Variants in ELAPOR2 observed in about 807,000 individuals in gnomAD.
The protein encoded by ELAPOR2 is endosome-lysosome associated apoptosis and autophagy regulator family member 2, also known as endosome/lysosome-associated apoptosis and autophagy regulator family member 2.
In ELAPOR2, 89 loss-of-function variants were observed where a neutral mutation model predicts 120.7. The ratio of observed to expected loss-of-function variants is 0.74; its 90% CI spans 0.62 to 0.88. ELAPOR2 has a LOEUF of 0.88. Ranked by LOEUF, ELAPOR2 falls within the 40% of genes least tolerant of loss-of-function variation. The pLI is 0.00. For missense variants in ELAPOR2, 1,134 were observed against 1,251.6 expected (o/e 0.91, Z 1.42); for synonymous variants, 444 against 444.9 (o/e 1.00, Z 0.03).
chr7:86,985,595 G>A (rs1792698362), intron 1 of ELAPOR2, among the ~76,000 whole-genome samples: 1 of 152,066 alleles, frequency 6.6e-6, no homozygotes, highest in Admixed American at 6.5e-5. Flanking sequence ...AAAACCAAAT[G>A]ATTATCTCAA....
At chr7:86,981,880 G>C (rs188665804) in intron 1 of ELAPOR2, among the ~76,000 whole-genome samples, 1 of 152,206 alleles carries the variant, frequency 6.6e-6, no homozygotes, top group Admixed American at 6.5e-5. Flanking sequence ...GAAGCACAAG[G>C]GGTCAGGGGA....
chr7:86,936,516 G>A (rs1438364977), intron 8 of ELAPOR2, among the ~76,000 whole-genome samples: 1 of 152,008 alleles, frequency 6.6e-6, no homozygotes, highest in Non-Finnish European at 1.5e-5. Flanking sequence ...TCTGAAGCTA[G>A]AAACATTTAT....
intron 6 of ELAPOR2, 73 bp downstream of exon 6, chr7:86,939,936 CA>C (rs1554392871): frequency 1.0e-6 from 1 of 976,000 alleles, no homozygotes; most frequent in Non-Finnish European, 1.5e-6. Context: ...CCAGCCAAAC[CA>C]AAACTTTAAT....
At chr7:86,932,046 C>A (rs1790352017) in intron 8 of ELAPOR2, among the ~76,000 whole-genome samples, 1 of 151,804 alleles carries the variant, frequency 6.6e-6, no homozygotes, top group Non-Finnish European at 1.5e-5. Flanking sequence ...ATCAAAGTAT[C>A]CAACACTCCT....
chr7:86,942,183 C>T, intron 4 of ELAPOR2, 79 bp from the exon 5 acceptor site: 1 of 774,284 alleles, frequency 1.3e-6, no homozygotes, highest in Non-Finnish European at 2.2e-6. Context: ...GCACAGACTG[C>T]AAGAACCTCG....
intron 2 of ELAPOR2, among the ~76,000 whole-genome samples, chr7:86,955,752 A>C (rs894014759): frequency 1.3e-5 from 2 of 152,062 alleles, no homozygotes; most frequent in African/African-American, 4.8e-5. Context: ...TTCAGATTCC[A>C]AGTTTCTTCT....
intron 1 of ELAPOR2, among the ~76,000 whole-genome samples, chr7:87,029,079 A>G (rs1278014249): frequency 1.3e-5 from 2 of 152,074 alleles, no homozygotes; most frequent in Non-Finnish European, 2.9e-5. Flanking sequence ...CTATACCCTC[A>G]GCTCCCTTAT....
chr7:86,902,512 G>T (rs569698690), intron 18 of ELAPOR2, among the ~76,000 whole-genome samples: 2 of 152,116 alleles, frequency 1.3e-5, no homozygotes, highest in Non-Finnish European at 2.9e-5. Context: ...TCTCATTTAT[G>T]TGGGGAGAGC....
rs559438033 is a variant in ELAPOR2, at chr7:86,879,616, T to C, written c.*855A>G. 3.3e-5 allele frequency: 5 copies of C among 152,302 alleles called. No homozygotes were observed. The South Asian group carries it at 1.0e-3, about 32-fold the overall frequency. 9.4% of individuals were successfully genotyped at this position (152,302 alleles called of 1,614,324 possible). On this transcript the variant is annotated 3_prime_UTR_variant, in exon 22 of 22. Transcript: ENST00000450689. ...CTTATAGACAAACCTTCTCACTCTCTTCTTCATGATTTTGCCAGTGATTTG... is the reference window on the plus strand; with the variant it reads ...CTTATAGACAAACCTTCTCACTCTCCTCTTCATGATTTTGCCAGTGATTTG...
At chr7:86,968,100 G>A (rs1791980343) in intron 1 of ELAPOR2, among the ~76,000 whole-genome samples, 1 of 152,144 alleles carries the variant, frequency 6.6e-6, no homozygotes, top group Non-Finnish European at 1.5e-5. Context: ...GTGTGGTACA[G>A]TAAAATTGCG....
chr7:86,931,048 C>T (rs1790302247), intron 8 of ELAPOR2, among the ~76,000 whole-genome samples: 1 of 151,902 alleles, frequency 6.6e-6, no homozygotes, highest in African/African-American at 2.4e-5. Flanking sequence ...CAAAGCACTA[C>T]ATTTTGAAAC....
chr7:87,020,817 C>T (rs1282866868), intron 1 of ELAPOR2, among the ~76,000 whole-genome samples: 2 of 151,862 alleles, frequency 1.3e-5, no homozygotes, highest in African/African-American at 2.4e-5. Context: ...AGTAAACATC[C>T]AGTCATCACA....
At chr7:86,965,335 A>G (rs1791866874) in intron 1 of ELAPOR2, among the ~76,000 whole-genome samples, 1 of 152,204 alleles carries the variant, frequency 6.6e-6, no homozygotes, top group Non-Finnish European at 1.5e-5. Flanking sequence ...TAAGCTCTAA[A>G]TAACTGATAG....
Position 86,908,450 on chromosome 7 carries a change from T to C in ELAPOR2, c.2453A>G (p.Tyr818Cys). ...TSQIPDVHFF[Y>C]KSSTATTSCI... ...GGGAAACAGCATCTTCACTTACTTATAAAAGAAATGCACATCTGGTATTTG... is the reference window on the plus strand; with the variant it reads ...GGGAAACAGCATCTTCACTTACTTACAAAAGAAATGCACATCTGGTATTTG... The change falls in exon 17 of 22, where the codon TAT becomes TGT. Residue 818 changes from tyrosine to cysteine, a missense_variant. Physicochemically the swap from Tyr to Cys is radical, Grantham distance 194 (BLOSUM62 -2). Coordinates refer to ENST00000450689, the MANE Select transcript of ELAPOR2 (RefSeq NM_001142749.3). 6.5e-7 allele frequency: 1 copy of C among 1,537,814 alleles called. No individual in the cohort carries two copies. Among genetic ancestry groups the C allele is most frequent in the Non-Finnish European group, 8.9e-7 (1 of 1,125,400 alleles).
At chr7:86,968,979 G>A (rs934344905) in intron 1 of ELAPOR2, among the ~76,000 whole-genome samples, 3 of 152,074 alleles carry the variant, frequency 2.0e-5, no homozygotes. Context: ...ACCTTGCATT[G>A]TAAATATATG....
intron 1 of ELAPOR2, among the ~76,000 whole-genome samples, chr7:87,045,725 A>T (rs568102554): frequency 1.0e-3 from 153 of 151,802 alleles, no homozygotes; most frequent in African/African-American, 3.5e-3. Context: ...AACCTGCACA[A>T]TGTGCACATG....
chr7:86,887,733 A>G (rs894623681), intron 21 of ELAPOR2, among the ~76,000 whole-genome samples: 15 of 152,078 alleles, frequency 9.9e-5, no homozygotes, highest in African/African-American at 3.6e-4. Flanking sequence ...GTGACTCAAA[A>G]AGATTTCTGA....
intron 1 of ELAPOR2, among the ~76,000 whole-genome samples, chr7:87,029,488 T>C (rs759716545): frequency 6.6e-6 from 1 of 152,202 alleles, no homozygotes; most frequent in African/African-American, 2.4e-5. Flanking sequence ...AAAGAAAGGA[T>C]TGTGCTTTTT....
rs1409754160 is a variant in ELAPOR2 at position 86,926,796 on chromosome 7, T to C, written c.1210A>G (p.Asn404Asp). Residue 404 changes from asparagine (N) to aspartate (D), a missense_variant, in exon 9 of 22, where the codon AAC becomes GAC. This residue lies in a region of ELAPOR2 where 831 missense variants were observed against 867.6 expected (regional missense o/e 0.96). Transcript: ENST00000450689. ...DCPPCNPGFY[N>D]NGSSSCHPCP... ...GGATGGCAAGAAGATGATCCATTGT[T>C]ATAAAATCCAGGGTTGCAAGGCGGA... 1.9e-6 allele frequency: 3 copies of C among 1,611,872 alleles called. No homozygotes were observed. The highest frequency in any genetic ancestry group is 2.7e-5 in the African/African-American group (2 of 74,636).
Sources: gnomAD v4.1 joint callset for allele counts (sites outside exome capture counted in the v4.1 genomes callset) on GRCh38, gnomAD v4.1.1 for gene constraint, gnomAD v4.1.1 regional missense constraint, MANE v1.5 for transcripts, NCBI Gene and HGNC (gene_info 2026-07-23, HGNC 2026-07-21) for gene names.